The following ABL2 variants were observed in gnomAD, a reference collection of about 807,000 sequenced individuals.
ABL2 encodes the protein ABL proto-oncogene 2, non-receptor tyrosine kinase.
In ABL2, 49 loss-of-function variants were observed where a neutral mutation model predicts 107.7. That is an observed-to-expected ratio of 0.45 (90% CI 0.36 to 0.58). ABL2 has a LOEUF of 0.58. ABL2 is among the 20% of genes least tolerant of loss of function. ABL2 has a pLI of 0.00. For missense variants in ABL2, 1,245 were observed against 1,457.0 expected (o/e 0.85, Z 2.37); for synonymous variants, 549 against 548.6 (o/e 1.00, Z -0.01).
At chr1:179,119,609 G>A (rs10913697) in intron 6 of ABL2, among the ~76,000 whole-genome samples, 97,662 of 150,738 alleles carry the variant, frequency 0.65, 31,834 homozygotes, top group Middle Eastern at 0.76. Context: ...GGCTTAGTAA[G>A]AGAGTTCTTT....
chr1:179,110,174 CT>C (rs1458349566), intron 11 of ABL2, 107 bp downstream of exon 11: 1 of 1,349,708 alleles, frequency 7.4e-7, no homozygotes, highest in African/African-American at 1.5e-5. Context: ...AGACGCCATG[CT>C]TTCCCCAGGG....
At chr1:179,195,862 G>A (rs981003792) in intron 1 of ABL2, among the ~76,000 whole-genome samples, 9 of 152,160 alleles carry the variant, frequency 5.9e-5, no homozygotes, top group Non-Finnish European at 1.2e-4. Flanking sequence ...AGTAAAATGT[G>A]GTTGCCAAGG....
chr1:179,107,919 C>T lies in ABL2; in HGVS notation c.3348G>A (p.Leu1116=), dbSNP rs1245210961. ...NSQLVDTGHQ[L]LDYCSGYVDC... ...CCACATAGCCTGAGCAGTAGTCAAGCAGCTGGTGTCCAGTGTCTACCAGCT... is the reference window on the plus strand; with the variant it reads ...CCACATAGCCTGAGCAGTAGTCAAGTAGCTGGTGTCCAGTGTCTACCAGCT... The change falls in exon 12 of 12, where the codon CTG becomes CTA. Residue 1116 remains leucine (L), a synonymous_variant. Coordinates refer to ENST00000502732, the MANE Select transcript of ABL2 (RefSeq NM_007314.4). 2 of 1,614,098 alleles carry T rather than the reference C, an allele frequency of 1.2e-6. No homozygotes were observed. Among genetic ancestry groups the T allele is most frequent in the East Asian group, 2.2e-5 (1 of 44,904 alleles).
intron 8 of ABL2, among the ~76,000 whole-genome samples, chr1:179,116,203 AT>A (rs1295972304): frequency 2.7e-5 from 1 of 37,564 alleles, no homozygotes; most frequent in African/African-American, 8.9e-5. Context: ...GCAAAACCTC[AT>A]CTCTACTACT....
chr1:179,130,106 A>G (rs2102658982), intron 3 of ABL2, among the ~76,000 whole-genome samples: 1 of 152,262 alleles, frequency 6.6e-6, no homozygotes, highest in East Asian at 1.9e-4. Flanking sequence ...CACACGGCTA[A>G]TGTCTTTTGT....
At position 179,104,006 on chromosome 1, in the gene ABL2, A is replaced by G; in HGVS notation, c.*3712T>C. 1 of 233,524 alleles carries G rather than the reference A, an allele frequency of 4.3e-6. No homozygotes were observed. Among genetic ancestry groups the G allele is most frequent in the East Asian group, 6.0e-5 (1 of 16,576 alleles). 14.5% of individuals were successfully genotyped at this position (233,524 alleles called of 1,614,324 possible). ...CTGGCCGAGACCCCAGCCCACTGGG[A>G]ATTCTGATCTGGAGTGGGGCTATTC... On this transcript the variant is annotated 3_prime_UTR_variant, in exon 12 of 12. Transcript: ENST00000502732.
chr1:179,156,101 TA>T (rs528112185), intron 1 of ABL2, among the ~76,000 whole-genome samples: 148 of 152,222 alleles, frequency 9.7e-4, no homozygotes, highest in Non-Finnish European at 1.8e-3. Flanking sequence ...ATGTTAAAAA[TA>T]AAAAACAAAA....
intron 1 of ABL2, among the ~76,000 whole-genome samples, chr1:179,202,889 C>G (rs1661750919): frequency 6.6e-6 from 1 of 152,172 alleles, no homozygotes; most frequent in Non-Finnish European, 1.5e-5. Context: ...CCACCAAAAA[C>G]CCTTTCTCCT....
chr1:179,116,511 C>CTT (rs539446954), intron 8 of ABL2, among the ~76,000 whole-genome samples: 1 of 145,608 alleles, frequency 6.9e-6, no homozygotes, highest in South Asian at 2.2e-4. Context: ...TTTCTTCTTT[C>CTT]TTTTTTTTTT....
intron 1 of ABL2, among the ~76,000 whole-genome samples, chr1:179,152,761 T>TTGCAGAGAATAACTAAAAGTCTGC (rs1658436417): frequency 6.6e-6 from 1 of 152,222 alleles, no homozygotes; most frequent in Non-Finnish European, 1.5e-5. Flanking sequence ...CCACCTGAAG[T>TTGCAGAGAATAACTAAAAGTCTGC]TGCAGAGAAT....
At chr1:179,229,202 C>CCCCCCCCCCCCCCCCCCA in intron 1 of ABL2, 39 bp downstream of exon 1, 1 of 1,401,858 alleles carries the variant, frequency 7.1e-7, no homozygotes, top group Non-Finnish European at 9.4e-7. Flanking sequence ...CACCCCCGGC[C>CCCCCCCCCCCCCCCCCCA]TCCCCCACGC....
chr1:179,120,454 C>T (rs185008781), intron 5 of ABL2, among the ~76,000 whole-genome samples, 180 bp from the exon 6 acceptor site: 50 of 152,212 alleles, frequency 3.3e-4, no homozygotes, highest in African/African-American at 1.0e-3. Context: ...TTTTGAGACA[C>T]GGTCTCGCTC....
chr1:179,133,640 T>A (rs1572668988), intron 1 of ABL2, among the ~76,000 whole-genome samples: 2 of 152,200 alleles, frequency 1.3e-5, no homozygotes, highest in South Asian at 4.1e-4. Flanking sequence ...ACTGGCTGAT[T>A]TCTACTTGTA....
chr1:179,216,130 T>C lies in ABL2; in HGVS notation c.157+13111A>G, dbSNP rs779753771. Among the ~76,000 whole-genome samples, 9 of 152,184 alleles carry C rather than the reference T, an allele frequency of 5.9e-5. 1 individual carries two copies. The highest frequency in any genetic ancestry group is 1.3e-4 in the Non-Finnish European group (9 of 68,034). On this transcript the variant is annotated intron_variant, in intron 1 of 11. Transcript: ENST00000502732. ...GTTCTGCTGGATCAAAAGCCAATAA[T>C]GGCAGAGTTCACTATAGAGAAGCCG...
chr1:179,161,464 T>C (rs986977984), intron 1 of ABL2, among the ~76,000 whole-genome samples: 3 of 152,054 alleles, frequency 2.0e-5, no homozygotes, highest in Admixed American at 2.0e-4. Flanking sequence ...ACACCTGTAA[T>C]TCTGGCACTT....
At chr1:179,216,487 A>C (rs1381033512) in intron 1 of ABL2, among the ~76,000 whole-genome samples, 1 of 152,214 alleles carries the variant, frequency 6.6e-6, no homozygotes, top group Non-Finnish European at 1.5e-5. Context: ...CTATTTGATC[A>C]GCAACATTCT....
intron 1 of ABL2, among the ~76,000 whole-genome samples, chr1:179,181,159 G>C (rs1342485881): frequency 6.6e-6 from 1 of 152,138 alleles, no homozygotes; most frequent in Non-Finnish European, 1.5e-5. Context: ...TTATGAAACG[G>C]AGTTTAAACA....
At chr1:179,203,231 A>G (rs1458094323) in intron 1 of ABL2, among the ~76,000 whole-genome samples, 1 of 152,244 alleles carries the variant, frequency 6.6e-6, no homozygotes, top group East Asian at 1.9e-4. Flanking sequence ...CCTAACGTCA[A>G]AACAAAATCT....
Position 179,104,119 on chromosome 1 carries a change from T to C in ABL2, c.*3599A>G, listed in dbSNP as rs1572591738. 4.3e-6 allele frequency: 1 copy of C among 232,208 alleles called. No homozygotes were observed. The highest frequency in any genetic ancestry group is 2.2e-5 in the African/African-American group (1 of 45,288). 14.4% of individuals were successfully genotyped at this position (232,208 alleles called of 1,614,324 possible). A position where few individuals can be genotyped will look rare whatever the true frequency, so the allele number is the denominator to read the frequency against. ...CTAGACTAGGTGTTAATAATAGTAGTAGTAGAACATTTATAGAGTGTGCTC... is the reference window on the plus strand; with the variant it reads ...CTAGACTAGGTGTTAATAATAGTAGCAGTAGAACATTTATAGAGTGTGCTC... On this transcript the variant is annotated 3_prime_UTR_variant, in exon 12 of 12. Transcript: ENST00000502732.
Sources: gnomAD v4.1 joint callset for allele counts (sites outside exome capture counted in the v4.1 genomes callset) on GRCh38, gnomAD v4.1.1 for gene constraint, MANE v1.5 for transcripts, NCBI Gene and HGNC (gene_info 2026-07-23, HGNC 2026-07-21) for gene names.